Variants in CTBP2 observed in about 807,000 individuals in gnomAD.
CTBP2 encodes C-terminal-binding protein 2.
A neutral mutation model predicts 80.3 loss-of-function variants in CTBP2; 30 were observed. The observed-to-expected ratio is 0.37, with a 90% CI of 0.28 to 0.51. The LOEUF (loss-of-function observed/expected upper bound fraction) is 0.51, where lower values mean the gene tolerates loss of function less well. Ranked by LOEUF, CTBP2 falls within the 20% of genes least tolerant of loss-of-function variation. CTBP2 has a pLI of 0.93. For missense variants in CTBP2, 1,212 were observed against 1,375.3 expected (o/e 0.88, Z 1.88); for synonymous variants, 594 against 587.4 (o/e 1.01, Z -0.16).
At chr10:125,090,705 G>T (rs1054102202) in intron 2 of CTBP2, among the ~76,000 whole-genome samples, 1 of 151,714 alleles carries the variant, frequency 6.6e-6, no homozygotes, top group Non-Finnish European at 1.5e-5. Flanking sequence ...CGAGGCTGTA[G>T]TAAGCTGTGC....
chr10:125,014,021 T>A (rs540676959), intron 1 of CTBP2, among the ~76,000 whole-genome samples: 1 of 152,128 alleles, frequency 6.6e-6, no homozygotes, highest in South Asian at 2.1e-4. Flanking sequence ...ACGTGAGGCA[T>A]GCGCTCTTCC....
chr10:125,095,566 T>A (rs1360258120), intron 2 of CTBP2, among the ~76,000 whole-genome samples: 1 of 152,102 alleles, frequency 6.6e-6, no homozygotes, highest in East Asian at 1.9e-4. Context: ...TACCACATGC[T>A]CTGAGGACGC....
chr10:125,139,005 C>T (rs945205442), intron 1 of CTBP2, among the ~76,000 whole-genome samples: 44 of 152,118 alleles, frequency 2.9e-4, no homozygotes, highest in Non-Finnish European at 5.6e-4. Flanking sequence ...GGTGCATTAG[C>T]CATTACTATT....
chr10:125,068,919 G>A (rs1320374941), intron 2 of CTBP2, among the ~76,000 whole-genome samples: 3 of 152,166 alleles, frequency 2.0e-5, no homozygotes, highest in African/African-American at 7.2e-5. Flanking sequence ...TGGAGCACCG[G>A]GTTCTCCTTT....
chr10:125,037,164 A>G (rs1225222136), intron 3 of CTBP2, among the ~76,000 whole-genome samples: 1 of 152,220 alleles, frequency 6.6e-6, no homozygotes, highest in Admixed American at 6.5e-5. Context: ...CCTATTACAC[A>G]TGAAGGGGGT....
At chr10:125,122,015 A>C (rs1254700) in intron 1 of CTBP2, among the ~76,000 whole-genome samples, 50,351 of 152,130 alleles carry the variant, frequency 0.33, 10,905 homozygotes, top group African/African-American at 0.61. Flanking sequence ...GTGAACCAAG[A>C]GACCTTCCAG....
At chr10:125,042,801 G>T (rs1029739511) in intron 2 of CTBP2, among the ~76,000 whole-genome samples, 1 of 152,196 alleles carries the variant, frequency 6.6e-6, no homozygotes, top group Non-Finnish European at 1.5e-5. Flanking sequence ...TCTGGCTGAG[G>T]CTGGGAGGTA....
At chr10:125,087,607 C>G (rs747593149) in intron 2 of CTBP2, among the ~76,000 whole-genome samples, 2 of 152,344 alleles carry the variant, frequency 1.3e-5, no homozygotes, top group African/African-American at 4.8e-5. Flanking sequence ...CTCATCCCCC[C>G]ACTTAGTCCT....
chr10:125,027,109 T>C lies in CTBP2; in HGVS notation c.651A>G (p.Arg217=), dbSNP rs773663466. 1.9e-5 allele frequency: 30 copies of C among 1,606,924 alleles called. No individual in the cohort carries two copies. The highest frequency in any genetic ancestry group is 2.4e-5 in the Non-Finnish European group (28 of 1,175,286). The change falls in exon 1 of 9, where the codon AGA becomes AGG. Residue 217 remains arginine, a synonymous_variant. Transcript: ENST00000309035. ...GTCTGGCAGGGGCAGGGTCAATGGG[T>C]CTTTCGCTGATGTCGCTGAAGACCT...
chr10:125,111,823 C>T (rs191916372), intron 1 of CTBP2, among the ~76,000 whole-genome samples: 3 of 152,296 alleles, frequency 2.0e-5, no homozygotes, highest in Non-Finnish European at 4.4e-5. Context: ...CCTCCTTCTG[C>T]GGCTGATGGG....
At position 125,027,442 on chromosome 10, in the gene CTBP2, C is replaced by T. The variant is rs1203635884; in HGVS notation, c.318G>A (p.Leu106=). The change falls in exon 1 of 9, where the codon CTG becomes CTA. Residue 106 remains leucine (L), a synonymous_variant. Coordinates refer to ENST00000309035, the MANE Select transcript of CTBP2 (RefSeq NM_022802.3). ...ACGGATCACTGTAGTACTCCCGTGG[C>T]AGCAGGGGGCTGCGACCAGACATCA... 6.2e-7 allele frequency: 1 copy of T among 1,614,152 alleles called. No homozygotes were observed. Among genetic ancestry groups the T allele is most frequent in the Non-Finnish European group, 8.5e-7 (1 of 1,180,032 alleles).
At chr10:125,018,215 G>GA (rs1160042634) in intron 1 of CTBP2, among the ~76,000 whole-genome samples, 1 of 152,188 alleles carries the variant, frequency 6.6e-6, no homozygotes. Context: ...TCAGATGGGG[G>GA]ATCATCCTTG....
chr10:125,034,389 C>A (rs1376923002), intron 3 of CTBP2, among the ~76,000 whole-genome samples: 1 of 152,182 alleles, frequency 6.6e-6, no homozygotes, highest in African/African-American at 2.4e-5. Context: ...GTTTCCTGAA[C>A]CTTTACCTTT....
intron 1 of CTBP2, among the ~76,000 whole-genome samples, chr10:125,133,229 A>G (rs1172182824): frequency 6.6e-6 from 1 of 152,106 alleles, no homozygotes; most frequent in Non-Finnish European, 1.5e-5. Flanking sequence ...ACAGATTCAA[A>G]CTCTTGCCCA....
At chr10:125,025,974 G>A in intron 1 of CTBP2, 1 of 1,373,120 alleles carries the variant, frequency 7.3e-7, no homozygotes, top group Non-Finnish European at 9.9e-7. Flanking sequence ...GTGTGTGTGT[G>A]TGGCCTGGTG....
intron 3 of CTBP2, among the ~76,000 whole-genome samples, chr10:125,033,304 T>C (rs1958459797): frequency 6.6e-6 from 1 of 152,048 alleles, no homozygotes; most frequent in East Asian, 1.9e-4. Flanking sequence ...CTGCTGGATG[T>C]GGAAGGGCTG....
chr10:124,987,807 G>A lies in CTBP2; in HGVS notation c.*1711C>T, dbSNP rs1346884371. On this transcript the variant is annotated 3_prime_UTR_variant, in exon 9 of 9. Transcript: ENST00000309035. ...AAGTATAAGGAAGAGCTCAGAGGGA[G>A]TTTCATACCTGGAATTGTTGGACTT... The A allele has an allele frequency of 2.6e-5, 4 of 152,184 alleles. No homozygotes were observed. Among genetic ancestry groups the A allele is most frequent in the Non-Finnish European group, 5.9e-5 (4 of 68,028 alleles). The allele number at this position is 152,184 out of a possible 1,614,324, so 9.4% of individuals were successfully genotyped here. A position where few individuals can be genotyped will look rare whatever the true frequency, so the allele number is the denominator to read the frequency against.
upstream of CTBP2, among the ~76,000 whole-genome samples, chr10:125,029,965 T>C (rs368805266): frequency 9.9e-5 from 15 of 152,178 alleles, no homozygotes; most frequent in African/African-American, 2.2e-4. Flanking sequence ...CAGCCTCCCA[T>C]TGAACCAGGA....
intron 1 of CTBP2, chr10:125,138,309 G>A (rs1857266435): frequency 6.6e-6 from 1 of 152,170 alleles, no homozygotes; most frequent in South Asian, 2.1e-4. Flanking sequence ...CACGCTGGGT[G>A]ATTCGAGACT....
Sources: gnomAD v4.1 joint callset for allele counts (sites outside exome capture counted in the v4.1 genomes callset) on GRCh38, gnomAD v4.1.1 for gene constraint, MANE v1.5 for transcripts, NCBI Gene and HGNC (gene_info 2026-07-23, HGNC 2026-07-21) for gene names.